Variants in SLC36A4 observed in about 807,000 individuals in gnomAD.
SLC36A4 encodes the protein solute carrier family 36 member 4.
Under a neutral mutation model 50.5 loss-of-function variants are expected in SLC36A4, and 49 were observed. The ratio of observed to expected loss-of-function variants is 0.97; its 90% confidence interval spans 0.77 to 1.23. The LOEUF is 1.23. Among genes scored for constraint, SLC36A4 ranks in the 50% most tolerant of loss-of-function variants. The pLI, the probability that SLC36A4 is intolerant of heterozygous loss-of-function variation, is 0.00. For missense variants in SLC36A4, 611 were observed against 608.4 expected (o/e 1.00, Z -0.05); for synonymous variants, 207 against 206.5 (o/e 1.00, Z -0.02).
intron 7 of SLC36A4, 89 bp from the exon 8 acceptor site, chr11:93,166,105 G>A: frequency 7.9e-7 from 1 of 1,268,268 alleles, no homozygotes; most frequent in South Asian, 1.7e-5. Flanking sequence ...ATAATTTTGA[G>A]CTTCACAACA....
intron 1 of SLC36A4, among the ~76,000 whole-genome samples, chr11:93,192,208 A>G (rs1862243912): frequency 6.6e-6 from 1 of 152,212 alleles, no homozygotes; most frequent in South Asian, 2.1e-4. Flanking sequence ...GGCCTCACTG[A>G]GAAAGTGGCA....
chr11:93,169,293 T>A (rs903216597), intron 6 of SLC36A4, among the ~76,000 whole-genome samples: 3 of 152,046 alleles, frequency 2.0e-5, no homozygotes, highest in South Asian at 2.1e-4. Context: ...AGAGAAATAT[T>A]TTTTTTAAAT....
chr11:93,174,206 G>A (rs1861336289), intron 6 of SLC36A4, among the ~76,000 whole-genome samples: 1 of 145,354 alleles, frequency 6.9e-6, no homozygotes, highest in Admixed American at 6.9e-5. Context: ...TCTCTTGGAA[G>A]CAATTGTGAA....
At chr11:93,186,296 C>A (rs1464869314) in intron 1 of SLC36A4, among the ~76,000 whole-genome samples, 1 of 152,080 alleles carries the variant, frequency 6.6e-6, no homozygotes, top group Non-Finnish European at 1.5e-5. Flanking sequence ...TTCCTGAGAA[C>A]AAGGATATTC....
At position 93,149,454 on chromosome 11, in the gene SLC36A4, A is replaced by G. The variant is rs555752762; in HGVS notation, c.1208-610T>C. Among the ~76,000 whole-genome samples, 68 of 152,140 alleles carry G rather than the reference A, an allele frequency of 4.5e-4. 1 individual carries two copies. Among genetic ancestry groups the G allele is most frequent in the Non-Finnish European group, 8.8e-4 (60 of 67,940 alleles). The stretch of plus-strand genomic sequence containing the variant: ...GAACTAGTAGCTTTACAGTGGAGAA[A>G]TAAGTCAACAGACCACCTTAGCCAA... On this transcript the variant is annotated intron_variant, in intron 10 of 10. Transcript: ENST00000326402.
At chr11:93,190,292 T>G (rs949147168) in intron 1 of SLC36A4, among the ~76,000 whole-genome samples, 1 of 152,164 alleles carries the variant, frequency 6.6e-6, no homozygotes, top group Non-Finnish European at 1.5e-5. Flanking sequence ...GAATAAGATC[T>G]AATGTTCTAT....
chr11:93,148,592 G>A lies in SLC36A4; in HGVS notation c.1460C>T (p.Pro487Leu). The part of the protein sequence containing the change: ...YPTPKVVAGT[P>L]QSPFLNLNST... Reference sequence around the variant, plus strand: ...ATTCAAATTTAGAAAAGGACTCTGTGGAGTGCCAGCTACAACTTTGGGAGT... The same window carrying A: ...ATTCAAATTTAGAAAAGGACTCTGTAGAGTGCCAGCTACAACTTTGGGAGT... Residue 487 changes from proline to leucine, a missense_variant, in exon 11 of 11, where the codon CCA becomes CTA. Physicochemically the swap from Pro to Leu is moderately conservative, Grantham distance 98. Transcript: ENST00000326402. 6.2e-7 allele frequency: 1 copy of A among 1,612,742 alleles called. No homozygotes were observed. Among genetic ancestry groups the A allele is most frequent in the South Asian group, 1.1e-5 (1 of 90,990 alleles).
intron 7 of SLC36A4, chr11:93,167,573 A>G (rs1158438524): frequency 6.2e-6 from 1 of 162,050 alleles, no homozygotes; most frequent in East Asian, 1.8e-4. Context: ...AGTGAAAGGA[A>G]ATTATGGAAT....
At chr11:93,174,739 C>T in intron 6 of SLC36A4, among the ~76,000 whole-genome samples, 1 of 145,212 alleles carries the variant, frequency 6.9e-6, no homozygotes, top group Admixed American at 7.1e-5. Flanking sequence ...TGTTTATATG[C>T]TGGATTACAT....
Position 93,164,221 on chromosome 11 carries a change from C to T in SLC36A4, c.868-1346G>A, listed in dbSNP as rs187467227. 7.7e-3 allele frequency among the ~76,000 whole-genome samples: 1,179 copies of T among 152,258 alleles called. 6 individuals are homozygous for T. Among genetic ancestry groups the T allele is most frequent in the Non-Finnish European group, 0.012 (801 of 68,016 alleles). On this transcript the variant is annotated intron_variant, in intron 8 of 10. Coordinates refer to ENST00000326402, the MANE Select transcript of SLC36A4 (RefSeq NM_152313.4). Reference sequence around the variant, plus strand: ...ATACTAACCCATGTATACTCACATACGTGTAACTGGTTTTACATCTACCCA... The same window carrying T: ...ATACTAACCCATGTATACTCACATATGTGTAACTGGTTTTACATCTACCCA...
chr11:93,161,397 G>C (rs947579113), intron 9 of SLC36A4, among the ~76,000 whole-genome samples: 1 of 152,026 alleles, frequency 6.6e-6, no homozygotes, highest in Non-Finnish European at 1.5e-5. Context: ...TAACATTTGA[G>C]ACATGTTTCC....
Position 93,145,053 on chromosome 11 carries a change from A to T in SLC36A4, c.*3484T>A, listed in dbSNP as rs1338339904. The T allele has an allele frequency of 6.6e-6, 1 of 152,114 alleles. No homozygotes were observed. Among genetic ancestry groups the T allele is most frequent in the Non-Finnish European group, 1.5e-5 (1 of 67,984 alleles). 9.4% of individuals were successfully genotyped at this position (152,114 alleles called of 1,614,324 possible). ...TAGTTTGTGTATACTGTCAGTAAACAGATCCACTACTCAGATGCTGTACTG... is the reference window on the plus strand; with the variant it reads ...TAGTTTGTGTATACTGTCAGTAAACTGATCCACTACTCAGATGCTGTACTG... On this transcript the variant is annotated 3_prime_UTR_variant, in exon 11 of 11. Transcript: ENST00000326402.
chr11:93,148,561 T>C lies in SLC36A4; in HGVS notation c.1491A>G (p.Thr497=), dbSNP rs1158938838. Residue 497 remains threonine (T), a synonymous_variant, in exon 11 of 11, where the codon ACA becomes ACG. Transcript: ENST00000326402. ...PQSPFLNLNS[T]CLTSGLK is the part of the protein sequence containing the mutation. The stretch of plus-strand genomic sequence containing the variant: ...ACTATTTCAAACCAGATGTTAAGCA[T>C]GTTGAATTCAAATTTAGAAAAGGAC... The C allele has an allele frequency of 3.1e-6, 5 of 1,610,974 alleles. No individual in the cohort carries two copies. The highest frequency in any genetic ancestry group is 1.7e-5 in the Admixed American group (1 of 59,460).
chr11:93,172,437 G>A (rs11601377), intron 6 of SLC36A4, among the ~76,000 whole-genome samples: 3 of 150,578 alleles, frequency 2.0e-5, no homozygotes, highest in Non-Finnish European at 3.0e-5. Flanking sequence ...AAAGTCCACT[G>A]TATCATTCTT....
Position 93,144,906 on chromosome 11 carries a change from T to G in SLC36A4, c.*3631A>C, listed in dbSNP as rs1188292969. On this transcript the variant is annotated 3_prime_UTR_variant, in exon 11 of 11. Coordinates refer to ENST00000326402, the MANE Select transcript of SLC36A4 (RefSeq NM_152313.4). ...GATGTTCTGTATGTTAACCAAATTA[T>G]TTTATTCCTCAACAGATGGTATTGA... is the stretch of plus-strand genomic sequence containing the variant. 6.6e-6 allele frequency: 1 copy of G among 152,040 alleles called. No homozygotes were observed. The highest frequency in any genetic ancestry group is 2.4e-5 in the African/African-American group (1 of 41,444). 9.4% of individuals were successfully genotyped at this position (152,040 alleles called of 1,614,324 possible). A position where few individuals can be genotyped will look rare whatever the true frequency, so the allele number is the denominator to read the frequency against.
chr11:93,194,634 A>C (rs1862347559), intron 1 of SLC36A4, among the ~76,000 whole-genome samples: 1 of 152,196 alleles, frequency 6.6e-6, no homozygotes, highest in South Asian at 2.1e-4. Context: ...AAAATATATA[A>C]ACATTTTTGA....
intron 9 of SLC36A4, among the ~76,000 whole-genome samples, chr11:93,157,227 T>C (rs1215139362): frequency 1.3e-5 from 2 of 152,200 alleles, no homozygotes; most frequent in Non-Finnish European, 1.5e-5. Context: ...TCCAGTACAA[T>C]GCTGTTTTGG....
chr11:93,196,523 C>T (rs370202280), intron 1 of SLC36A4, among the ~76,000 whole-genome samples: 245 of 152,270 alleles, frequency 1.6e-3, no homozygotes, highest in African/African-American at 5.5e-3. Context: ...CCCGCCACCA[C>T]GCCCGGCTAA....
Position 93,148,368 on chromosome 11 carries a change from A to G in SLC36A4, c.*169T>C. 1.8e-6 allele frequency: 1 copy of G among 562,068 alleles called. No individual in the cohort carries two copies. The highest frequency in any genetic ancestry group is 3.0e-6 in the Non-Finnish European group (1 of 332,994). 34.8% of individuals were successfully genotyped at this position (562,068 alleles called of 1,614,324 possible). A position where few individuals can be genotyped will look rare whatever the true frequency, so the allele number is the denominator to read the frequency against. ...ACACTTAAAAGCAAGGATTTTTCAT[A>G]GGTTTACCACTACTGGTAAAGAGTT... On this transcript the variant is annotated 3_prime_UTR_variant, in exon 11 of 11. Transcript: ENST00000326402.
Sources: allele counts gnomAD v4.1 joint callset (sites outside exome capture counted in the v4.1 genomes callset), GRCh38; gene constraint gnomAD v4.1.1; transcripts MANE v1.5; gene names NCBI Gene and HGNC (gene_info 2026-07-23, HGNC 2026-07-21).